The following USH2A variants were observed in gnomAD, a reference collection of about 807,000 sequenced individuals.
USH2A encodes the protein Usher syndrome 2A (autosomal recessive, mild).
USH2A carries 443 observed loss-of-function variants against 538.9 expected under a neutral mutation model. The observed-to-expected ratio is 0.82, with a 90% CI of 0.76 to 0.89. The LOEUF (loss-of-function observed/expected upper bound fraction) is 0.89. USH2A is among the 40% of genes least tolerant of loss of function. The pLI is 0.00. For synonymous variants in USH2A, 2,413 were observed against 2,273.5 expected (o/e 1.06, Z -1.75); for missense variants, 6,633 against 6,324.8 (o/e 1.05, Z -1.65).
At chr1:215,836,500 T>A (rs1181112176) in intron 47 of USH2A, among the ~76,000 whole-genome samples, 2 of 12,582 alleles carry the variant, frequency 1.6e-4, no homozygotes, top group African/African-American at 5.1e-4. Flanking sequence ...ATATATATAA[T>A]ATATATTATA....
intron 51 of USH2A, among the ~76,000 whole-genome samples, chr1:215,788,413 T>C (rs1295047320): frequency 2.0e-5 from 3 of 152,116 alleles, no homozygotes; most frequent in Non-Finnish European, 4.4e-5. Flanking sequence ...TCCATTATGA[T>C]CCAAGGGCTG....
intron 36 of USH2A, among the ~76,000 whole-genome samples, chr1:215,966,636 T>G (rs1005068434): frequency 1.3e-5 from 2 of 152,208 alleles, no homozygotes; most frequent in Non-Finnish European, 2.9e-5. Flanking sequence ...TCTTTAGAAC[T>G]ATAACACTTG....
intron 32 of USH2A, among the ~76,000 whole-genome samples, chr1:216,038,149 G>A (rs113145894): frequency 6.6e-5 from 10 of 152,088 alleles, no homozygotes; most frequent in African/African-American, 2.2e-4. Context: ...CTTTAATACT[G>A]TCTTGTTCCT....
intron 6 of USH2A, 109 bp downstream of exon 6, chr1:216,325,196 C>A: frequency 1.6e-6 from 2 of 1,235,944 alleles, no homozygotes; most frequent in Admixed American, 3.7e-5. Flanking sequence ...TATTTCTGAT[C>A]TCCAGAACTG....
At chr1:216,129,393 A>G (rs909934356) in intron 21 of USH2A, among the ~76,000 whole-genome samples, 1 of 152,056 alleles carries the variant, frequency 6.6e-6, no homozygotes, top group Admixed American at 6.6e-5. Flanking sequence ...TTTCCCTCAA[A>G]TCAGTAGCAT....
At chr1:216,363,581 A>ACTC (rs2038536819) in intron 4 of USH2A, among the ~76,000 whole-genome samples, 1 of 152,134 alleles carries the variant, frequency 6.6e-6, no homozygotes, top group Non-Finnish European at 1.5e-5. Flanking sequence ...ATATATATAA[A>ACTC]TGGAAATGTA....
intron 9 of USH2A, among the ~76,000 whole-genome samples, chr1:216,300,309 T>C (rs977352272): frequency 1.3e-5 from 2 of 152,210 alleles, no homozygotes; most frequent in African/African-American, 2.4e-5. Context: ...AGTTGATCAT[T>C]TGTCACTTTC....
intron 23 of USH2A, among the ~76,000 whole-genome samples, chr1:216,088,411 G>C (rs1351315459): frequency 1.3e-5 from 2 of 152,036 alleles, no homozygotes; most frequent in Non-Finnish European, 2.9e-5. Flanking sequence ...CTTGTATCCA[G>C]AGCACCTAGA....
At chr1:216,030,661 A>C (rs1669102029) in intron 32 of USH2A, among the ~76,000 whole-genome samples, 1 of 148,184 alleles carries the variant, frequency 6.7e-6, no homozygotes, top group Non-Finnish European at 1.5e-5. Flanking sequence ...TATATAAATC[A>C]AAATACACTG....
In USH2A at chr1:215,653,773, G is replaced by A. The variant is rs1657154035; in HGVS notation, c.14134-2972C>T. The stretch of plus-strand genomic sequence containing the variant: ...CTAAGCAAGAGATAAAAGTATTGAA[G>A]TGTAGTTCAGGGTTCAGGGTAAAAA... On this transcript the variant is annotated intron_variant, in intron 64 of 71. Transcript: ENST00000307340. Among the ~76,000 whole-genome samples the A allele has an allele frequency of 2.0e-5, 3 of 152,156 alleles. No individual in the cohort carries two copies. In the South Asian group the frequency reaches 6.2e-4, roughly 32 times the overall value.
chr1:215,718,027 C>A lies in USH2A; in HGVS notation c.12066+10003G>T, dbSNP rs116776720. Among the ~76,000 whole-genome samples, 636 of 152,102 alleles carry A rather than the reference C, an allele frequency of 4.2e-3. 2 individuals are homozygous for A. Among genetic ancestry groups the A allele is most frequent in the African/African-American group, 0.013 (560 of 41,506 alleles). The stretch of plus-strand genomic sequence containing the variant: ...ATATTTAATTTATACAAATTTAAAC[C>A]CTCTGTGACAAAGATAGAAGATAGT... On this transcript the variant is annotated intron_variant, in intron 61 of 71. Coordinates refer to ENST00000307340, the MANE Select transcript of USH2A (RefSeq NM_206933.4).
intron 14 of USH2A, among the ~76,000 whole-genome samples, chr1:216,219,034 C>T (rs1436097352): frequency 6.6e-6 from 1 of 151,762 alleles, no homozygotes; most frequent in Non-Finnish European, 1.5e-5. Context: ...GTAACTGCAC[C>T]ACTCATGAAT....
At chr1:215,940,024 A>G (rs974828489) in intron 37 of USH2A, among the ~76,000 whole-genome samples, 6 of 152,136 alleles carry the variant, frequency 3.9e-5, no homozygotes, top group African/African-American at 1.4e-4. Context: ...GGAACAGAAA[A>G]TGGCACAACA....
chr1:216,390,901 A>G (rs936523240), intron 3 of USH2A, among the ~76,000 whole-genome samples: 48 of 152,316 alleles, frequency 3.2e-4, no homozygotes, highest in African/African-American at 1.0e-3. Flanking sequence ...GGTGCAAGTT[A>G]TTTTTATTAA....
At chr1:216,159,573 G>GAA (rs2034013533) in intron 21 of USH2A, among the ~76,000 whole-genome samples, 1 of 116,130 alleles carries the variant, frequency 8.6e-6, no homozygotes, top group Non-Finnish European at 1.8e-5. Flanking sequence ...CACACACACA[G>GAA]AGAATATTAG....
intron 9 of USH2A, among the ~76,000 whole-genome samples, chr1:216,308,327 T>G (rs1369262903): frequency 6.6e-6 from 1 of 152,154 alleles, no homozygotes; most frequent in Non-Finnish European, 1.5e-5. Context: ...AAGTGGTGTA[T>G]GAGTCCCCAC....
chr1:216,005,406 C>G (rs900038405), intron 32 of USH2A, among the ~76,000 whole-genome samples: 8 of 152,064 alleles, frequency 5.3e-5, no homozygotes, highest in Admixed American at 5.2e-4. Context: ...ATATTATATC[C>G]TTCCCAGGAG....
chr1:216,181,656 G>T (rs1338862880), intron 20 of USH2A, among the ~76,000 whole-genome samples: 1 of 152,062 alleles, frequency 6.6e-6, no homozygotes, highest in Non-Finnish European at 1.5e-5. Flanking sequence ...AATGATGACA[G>T]CAACCACCAT....
rs952874507 is a variant in USH2A at position 215,625,618 on chromosome 1, C to G, written c.*163G>C. 6 of 689,106 alleles carry G rather than the reference C, an allele frequency of 8.7e-6. No individual in the cohort carries two copies. Among genetic ancestry groups the G allele is most frequent in the Non-Finnish European group, 1.6e-5 (6 of 380,662 alleles). 42.7% of individuals were successfully genotyped at this position (689,106 alleles called of 1,614,324 possible). On this transcript the variant is annotated 3_prime_UTR_variant, in exon 72 of 72. Transcript: ENST00000307340. Reference sequence around the variant, plus strand: ...ATGAGAAAAATATCATTTCTTAGACCTCTATTAGGAAGGAACACTTTCAAA... The same window carrying G: ...ATGAGAAAAATATCATTTCTTAGACGTCTATTAGGAAGGAACACTTTCAAA...
Sources: allele counts gnomAD v4.1 joint callset (sites outside exome capture counted in the v4.1 genomes callset), GRCh38; gene constraint gnomAD v4.1.1; transcripts MANE v1.5; gene names NCBI Gene and HGNC (gene_info 2026-07-23, HGNC 2026-07-21).